Variants in DTNBP1 observed in about 807,000 individuals in gnomAD.
DTNBP1 encodes dysbindin.
A neutral mutation model predicts 42.8 loss-of-function variants in DTNBP1; 35 were observed. The ratio of observed to expected loss-of-function variants is 0.82; its 90% CI spans 0.63 to 1.09. The LOEUF is 1.09. Ranked by LOEUF, DTNBP1 falls within the 50% of genes least tolerant of loss-of-function variation. The pLI is 0.00. For missense variants in DTNBP1, 457 were observed against 424.2 expected, an observed-to-expected ratio of 1.08 and a Z score of -0.68; for synonymous variants, 171 against 162.2, an observed-to-expected ratio of 1.05 and a Z score of -0.41.
intron 6 of DTNBP1, among the ~76,000 whole-genome samples, chr6:15,613,317 A>G (rs201788869): frequency 1 from 106,474 of 106,882 alleles, 53,046 homozygotes; most frequent in Middle Eastern, 1. Context: ...AAAAAAAAAA[A>G]AAAAAAAAAA....
At chr6:15,530,772 G>C (rs1772764970) in intron 8 of DTNBP1, among the ~76,000 whole-genome samples, 1 of 152,182 alleles carries the variant, frequency 6.6e-6, no homozygotes, top group African/African-American at 2.4e-5. Context: ...ACTGAAGGAA[G>C]ATAGAGTTAA....
chr6:15,582,865 G>C (rs1360461696), intron 7 of DTNBP1, among the ~76,000 whole-genome samples: 1 of 152,170 alleles, frequency 6.6e-6, no homozygotes, highest in Middle Eastern at 3.2e-3. Context: ...AATACAAAGG[G>C]ATATTAAATA....
rs191118652 is a variant in DTNBP1, at chr6:15,534,791, C to A, written c.512-1396G>T. 2.6e-5 allele frequency among the ~76,000 whole-genome samples: 4 copies of A among 151,900 alleles called. No homozygotes were observed. The East Asian group carries it at 5.8e-4, about 22-fold the overall frequency. The stretch of plus-strand genomic sequence containing the variant: ...CAACCTAATCAGTTAACCTTCTCAT[C>A]TGAAAATTTGGGATAGAAATATTAA... On this transcript the variant is annotated intron_variant, in intron 7 of 9. Coordinates refer to ENST00000344537, the MANE Select transcript of DTNBP1 (RefSeq NM_032122.5).
chr6:15,615,791 CA>C (rs1365607739), intron 5 of DTNBP1, among the ~76,000 whole-genome samples: 11 of 152,234 alleles, frequency 7.2e-5, no homozygotes, highest in African/African-American at 2.7e-4. Flanking sequence ...AACCTAATTA[CA>C]CCTATACTTA....
intron 1 of DTNBP1, among the ~76,000 whole-genome samples, chr6:15,655,737 A>C (rs1761243887): frequency 6.6e-6 from 1 of 152,148 alleles, no homozygotes; most frequent in South Asian, 2.1e-4. Flanking sequence ...TCCAACTATT[A>C]TTCTTAAGAT....
chr6:15,537,958 C>T (rs1484970636), intron 7 of DTNBP1, among the ~76,000 whole-genome samples: 1 of 152,204 alleles, frequency 6.6e-6, no homozygotes, highest in Non-Finnish European at 1.5e-5. Flanking sequence ...CATTTTTGAC[C>T]TGGTACATGG....
chr6:15,552,956 T>A (rs1189111538), intron 7 of DTNBP1, among the ~76,000 whole-genome samples: 4 of 152,166 alleles, frequency 2.6e-5, no homozygotes, highest in African/African-American at 4.8e-5. Context: ...TAAGAGGGTA[T>A]AAGATTCAGG....
chr6:15,545,152 A>C (rs895335746), intron 7 of DTNBP1, among the ~76,000 whole-genome samples: 1 of 152,042 alleles, frequency 6.6e-6, no homozygotes, highest in Admixed American at 6.6e-5. Flanking sequence ...AATGAATACA[A>C]ATTTTCTCAG....
chr6:15,599,463 TTCAAGGG>T (rs1362416929), intron 6 of DTNBP1, among the ~76,000 whole-genome samples: 1 of 152,120 alleles, frequency 6.6e-6, no homozygotes, highest in Non-Finnish European at 1.5e-5. Context: ...CAGAATACAG[TTCAAGGG>T]TCAAGTTTAG....
chr6:15,608,472 G>C (rs1302216740), intron 6 of DTNBP1, among the ~76,000 whole-genome samples: 1 of 152,136 alleles, frequency 6.6e-6, no homozygotes, highest in African/African-American at 2.4e-5. Flanking sequence ...AGGCCTTCCT[G>C]TCCCAATATG....
chr6:15,605,396 C>A (rs141675141), intron 6 of DTNBP1, among the ~76,000 whole-genome samples: 1 of 152,230 alleles, frequency 6.6e-6, no homozygotes, highest in African/African-American at 2.4e-5. Flanking sequence ...CTATACAGTC[C>A]TAGATCCTCA....
chr6:15,660,176 T>C (rs1382191514), intron 1 of DTNBP1, among the ~76,000 whole-genome samples: 1 of 152,218 alleles, frequency 6.6e-6, no homozygotes, highest in African/African-American at 2.4e-5. Flanking sequence ...ATTGCATTTA[T>C]GTAATATGTT....
chr6:15,563,726 A>C (rs1774941768), intron 7 of DTNBP1, among the ~76,000 whole-genome samples: 1 of 152,054 alleles, frequency 6.6e-6, no homozygotes, highest in African/African-American at 2.4e-5. Flanking sequence ...TTGACTAATC[A>C]ATGATCCCTA....
At chr6:15,578,819 A>G (rs1775692817) in intron 7 of DTNBP1, among the ~76,000 whole-genome samples, 1 of 152,230 alleles carries the variant, frequency 6.6e-6, no homozygotes, top group Admixed American at 6.5e-5. Context: ...ATCACTAACC[A>G]TCAGGGAAAT....
At chr6:15,652,037 T>C (rs1264516174) in intron 2 of DTNBP1, 50 bp downstream of exon 2, 2 of 1,518,988 alleles carry the variant, frequency 1.3e-6, no homozygotes. Context: ...ACACCAAAAG[T>C]TGTATGAAAT....
intron 6 of DTNBP1, among the ~76,000 whole-genome samples, chr6:15,599,797 C>CTTTATTACAAATTTAAATTTAAATT (rs1561983619): frequency 5.9e-5 from 9 of 152,216 alleles, no homozygotes; most frequent in East Asian, 1.9e-4. Flanking sequence ...GGCTAAAAAT[C>CTTTATTACAAATTTAAATTTAAATT]TTTATTACAA....
intron 6 of DTNBP1, among the ~76,000 whole-genome samples, chr6:15,603,332 T>C (rs1280250002): frequency 6.6e-6 from 1 of 152,170 alleles, no homozygotes; most frequent in Non-Finnish European, 1.5e-5. Flanking sequence ...CTGGGAACCA[T>C]CTAAAATCTA....
chr6:15,583,234 C>T (rs921553261), intron 7 of DTNBP1, among the ~76,000 whole-genome samples: 3 of 152,170 alleles, frequency 2.0e-5, no homozygotes, highest in African/African-American at 7.2e-5. Context: ...CCTCCTGCCT[C>T]GGCCTTCCAA....
intron 5 of DTNBP1, among the ~76,000 whole-genome samples, chr6:15,624,374 T>C (rs1373706663): frequency 2.0e-5 from 3 of 152,220 alleles, no homozygotes; most frequent in African/African-American, 7.2e-5. Flanking sequence ...TAAGTATCAA[T>C]TAAATAGGCT....
Sources: allele counts gnomAD v4.1 joint callset (sites outside exome capture counted in the v4.1 genomes callset), GRCh38; gene constraint gnomAD v4.1.1; transcripts MANE v1.5; gene names NCBI Gene and HGNC (gene_info 2026-07-23, HGNC 2026-07-21).